The following TMEM176B variants were observed in gnomAD, a reference collection of about 807,000 sequenced individuals.
The protein encoded by TMEM176B is transmembrane protein 176B.
In TMEM176B, 28 loss-of-function variants were observed where a neutral mutation model predicts 30.3. The ratio of observed to expected loss-of-function variants is 0.92; its 90% CI spans 0.68 to 1.27. TMEM176B has a LOEUF of 1.27. Ranked by LOEUF, TMEM176B falls within the 50% of genes most tolerant of loss-of-function variation. The probability of loss-of-function intolerance (pLI) is 0.00; values close to 1 mark genes in which losing one functional copy is unlikely to be tolerated. For missense variants in TMEM176B, 349 were observed against 327.4 expected, an observed-to-expected ratio of 1.07 and a Z score of -0.51; for synonymous variants, 123 against 130.3, an observed-to-expected ratio of 0.94 and a Z score of 0.38.
intron 1 of TMEM176B, among the ~76,000 whole-genome samples, chr7:150,797,139 C>A (rs1798561565): frequency 6.6e-6 from 1 of 152,122 alleles, no homozygotes; most frequent in African/African-American, 2.4e-5. Flanking sequence ...TTCCCTCAAC[C>A]ACCTATTTGC....
rs2075080 is a variant in TMEM176B at position 150,796,354 on chromosome 7, C to G, written c.204+12G>C. The G allele has an allele frequency of 0.34, 552,662 of 1,611,964 alleles. 96,330 individuals carry two copies. Among genetic ancestry groups the G allele is most frequent in the Admixed American group, 0.45 (27,110 of 59,996 alleles). On this transcript the variant is annotated intron_variant, in intron 2 of 6. Coordinates refer to ENST00000326442, the MANE Select transcript of TMEM176B (RefSeq NM_001101312.2). ...TAACGTGCCCCCCAACCCCGCACCA[C>G]CCCAGTCTTACCCCTAGAGCCAGCT...
chr7:150,791,653 G>A (rs1476643559), intron 6 of TMEM176B, 30 bp from the exon 7 acceptor site: 4 of 1,590,940 alleles, frequency 2.5e-6, no homozygotes, highest in Non-Finnish European at 2.6e-6. Context: ...GAAATCCTTA[G>A]GGGAAAAGGA....
chr7:150,798,257 C>T (rs10226693), intron 1 of TMEM176B, among the ~76,000 whole-genome samples: 1 of 151,728 alleles, frequency 6.6e-6, no homozygotes, highest in African/African-American at 2.4e-5. Context: ...CCATGGTTTT[C>T]TTTTATTTCA....
In TMEM176B at chr7:150,793,074, C is replaced by T; in HGVS notation, c.600+14G>A. The T allele has an allele frequency of 6.2e-7, 1 of 1,613,464 alleles. No homozygotes were observed. Among genetic ancestry groups the T allele is most frequent in the Non-Finnish European group, 8.5e-7 (1 of 1,179,504 alleles). The stretch of plus-strand genomic sequence containing the variant: ...CTGTGATGGGTCCCCGAAGACTGGA[C>T]TCTTCCTGCTCACCCTCAGCATCTG... On this transcript the variant is annotated intron_variant, in intron 5 of 6. Transcript: ENST00000326442.
In TMEM176B at chr7:150,793,559, G is replaced by A; in HGVS notation, c.357C>T (p.His119=). Residue 119 remains histidine, a synonymous_variant, in exon 4 of 7, where the codon CAC becomes CAT. Transcript: ENST00000326442. The stretch of plus-strand genomic sequence containing the variant: ...CAAGACTCACAGCAAGTTTGCCCGG[G>A]TGCTTCTCATGGACAATGGCCCCAG... ...AGAGAIVHEK[H]PGKLAGYISS... 1 of 1,613,592 alleles carries A rather than the reference G, an allele frequency of 6.2e-7. No individual in the cohort carries two copies. Among genetic ancestry groups the A allele is most frequent in the Non-Finnish European group, 8.5e-7 (1 of 1,179,818 alleles).
Position 150,796,403 on chromosome 7 carries a change from G to A in TMEM176B, c.167C>T (p.Ser56Phe), listed in dbSNP as rs146125387. The A allele has an allele frequency of 1.2e-5, 20 of 1,614,204 alleles. No homozygotes were observed. The African/African-American group carries it at 1.9e-4, about 15-fold the overall frequency. The change falls in exon 2 of 7, where the codon TCC (serine) becomes TTC (phenylalanine). Residue 56 changes from serine (S) to phenylalanine (F), a missense_variant. Coordinates refer to ENST00000326442, the MANE Select transcript of TMEM176B (RefSeq NM_001101312.2). ...CTGCTCATAACCAATCCTGGCTGTG[G>A]AAGGCACAGTGTCCCCAGGGTGAAA... ...FLFHPGDTVP[S>F]TARIGYEQLA...
At chr7:150,801,099 TCCGGAGCGCAG>T (rs1201975204), upstream of TMEM176B, 1 of 590,798 alleles carries the variant, frequency 1.7e-6, no homozygotes, top group African/African-American at 2.0e-5. Context: ...GATGGGGGTA[TCCGGAGCGCAG>T]CCGGGGCGCA....
chr7:150,794,582 C>T (rs1304263613), intron 2 of TMEM176B, among the ~76,000 whole-genome samples: 1 of 151,904 alleles, frequency 6.6e-6, no homozygotes, highest in Non-Finnish European at 1.5e-5. Flanking sequence ...GCTGAAGACA[C>T]ACACTGAGGA....
chr7:150,796,269 A>C, intron 2 of TMEM176B, 97 bp downstream of exon 2: 1 of 1,253,078 alleles, frequency 8.0e-7, no homozygotes, highest in Non-Finnish European at 1.1e-6. Flanking sequence ...TCTCCTCCCA[A>C]ATAAAACGTT....
chr7:150,798,703 C>T (rs556777005), intron 1 of TMEM176B, among the ~76,000 whole-genome samples: 45 of 152,276 alleles, frequency 3.0e-4, no homozygotes, highest in Non-Finnish European at 5.4e-4. Flanking sequence ...TGAGCCACCA[C>T]GCCTGGCCCA....
intron 2 of TMEM176B, among the ~76,000 whole-genome samples, chr7:150,794,986 G>A (rs1013807723): frequency 2.6e-5 from 4 of 150,996 alleles, no homozygotes; most frequent in East Asian, 1.9e-4. Flanking sequence ...TCAGGGCTCC[G>A]ATCTCCTGGT....
Position 150,796,509 on chromosome 7 carries a change from T to G in TMEM176B, c.61A>C (p.Thr21Pro). 2 of 1,614,210 alleles carry G rather than the reference T, an allele frequency of 1.2e-6. No individual in the cohort carries two copies. Among genetic ancestry groups the G allele is most frequent in the South Asian group, 2.2e-5 (2 of 91,082 alleles). ...TGGTGGATGTGGACGTTGACGTGGG[T>G]GGGCTGGGATGGCCTAGAGGCCATA... The part of the protein sequence containing the change: ...VAMASRPSQP[T>P]HVNVHIHQES... Residue 21 changes from threonine to proline, a missense_variant, in exon 2 of 7, where the codon ACC becomes CCC. Transcript: ENST00000326442.
chr7:150,792,189 A>G lies in TMEM176B; in HGVS notation c.601-14T>C, dbSNP rs1482186845. On this transcript the variant is annotated splice_polypyrimidine_tract_variant and intron_variant, in intron 5 of 6. Coordinates refer to ENST00000326442, the MANE Select transcript of TMEM176B (RefSeq NM_001101312.2). ...TGTGAACAACTTCTGGAGATAAGGG[A>G]AGAACAAAGATAGTCAGGTGTCAGC... 1.2e-6 allele frequency: 2 copies of G among 1,612,408 alleles called. No homozygotes were observed. Among genetic ancestry groups the G allele is most frequent in the Admixed American group, 3.3e-5 (2 of 59,966 alleles).
intron 1 of TMEM176B, among the ~76,000 whole-genome samples, chr7:150,797,267 C>T (rs1030359766): frequency 1.3e-5 from 2 of 152,176 alleles, no homozygotes; most frequent in African/African-American, 4.8e-5. Context: ...GCATACTATA[C>T]ACACTGATTT....
intron 1 of TMEM176B, chr7:150,799,978 G>C (rs1173392223): frequency 1.3e-5 from 2 of 152,288 alleles, no homozygotes; most frequent in African/African-American, 4.8e-5. Context: ...GAAAGCGTCC[G>C]GCAGCCCCGC....
intron 2 of TMEM176B, 124 bp downstream of exon 2, chr7:150,796,242 G>A (rs1798517317): frequency 1.2e-6 from 1 of 841,324 alleles, no homozygotes; most frequent in South Asian, 1.7e-5. Flanking sequence ...CTGTGTGTAT[G>A]CCCCAAATTG....
At chr7:150,794,423 A>C (rs1798440261) in intron 2 of TMEM176B, among the ~76,000 whole-genome samples, 1 of 151,110 alleles carries the variant, frequency 6.6e-6, no homozygotes, top group African/African-American at 2.4e-5. Flanking sequence ...CTTCTGGCCT[A>C]TCCTTTCTCT....
At chr7:150,801,257 G>A (rs955366226), upstream of TMEM176B, 4 of 302,586 alleles carry the variant, frequency 1.3e-5, no homozygotes, top group Non-Finnish European at 2.4e-5. Context: ...GCTTGACCCA[G>A]ACGCCAGGGC....
intron 2 of TMEM176B, among the ~76,000 whole-genome samples, chr7:150,795,826 T>C (rs910309426): frequency 6.6e-5 from 10 of 152,194 alleles, no homozygotes; most frequent in African/African-American, 2.2e-4. Flanking sequence ...GTCCCTCTCA[T>C]GGGAATTCAA....
Sources: gnomAD v4.1 joint callset for allele counts (sites outside exome capture counted in the v4.1 genomes callset) on GRCh38, gnomAD v4.1.1 for gene constraint, MANE v1.5 for transcripts, NCBI Gene and HGNC (gene_info 2026-07-23, HGNC 2026-07-21) for gene names.